Variants in MYLK3 observed in about 807,000 individuals in gnomAD.
The protein encoded by MYLK3 is myosin light chain kinase 3, also known as MLC kinase.
A neutral mutation model predicts 76.3 loss-of-function variants in MYLK3; 55 were observed. The ratio of observed to expected loss-of-function variants is 0.72; its 90% CI spans 0.58 to 0.90. MYLK3 has a LOEUF of 0.90. Ranked by LOEUF, MYLK3 falls within the 40% of genes least tolerant of loss-of-function variation. MYLK3 has a pLI of 0.00. For synonymous variants in MYLK3, 416 were observed against 425.4 expected, an observed-to-expected ratio of 0.98 and a Z score of 0.27; for missense variants, 973 against 1,053.6, an observed-to-expected ratio of 0.92 and a Z score of 1.06.
At chr16:46,754,054 G>C (rs1199445420) in intron 1 of MYLK3, among the ~76,000 whole-genome samples, 3 of 152,084 alleles carry the variant, frequency 2.0e-5, no homozygotes, top group East Asian at 3.8e-4. Flanking sequence ...AATATGAATA[G>C]TAAAATTTAA....
chr16:46,725,648 TTA>T (rs1285819862), intron 8 of MYLK3: 1 of 152,240 alleles, frequency 6.6e-6, no homozygotes, highest in Non-Finnish European at 1.5e-5. Flanking sequence ...ATAATCCTTT[TTA>T]TATGTTTTAT....
rs1966638501 is a variant in MYLK3 at position 46,707,585 on chromosome 16, A to C, written c.*119T>G. 9.3e-6 allele frequency: 6 copies of C among 642,882 alleles called. No individual in the cohort carries two copies. Among genetic ancestry groups the C allele is most frequent in the Non-Finnish European group, 1.1e-5 (4 of 373,854 alleles). 39.8% of individuals were successfully genotyped at this position (642,882 alleles called of 1,614,324 possible). ...GAAGGCAGCAGCCATAACCATTTTT[A>C]CAAAATAAGTGGAATCAATAATACC... On this transcript the variant is annotated 3_prime_UTR_variant, in exon 13 of 13. Coordinates refer to ENST00000394809, the MANE Select transcript of MYLK3 (RefSeq NM_182493.3).
intron 1 of MYLK3, among the ~76,000 whole-genome samples, chr16:46,745,701 G>T (rs62057588): frequency 6.6e-5 from 10 of 152,184 alleles, no homozygotes; most frequent in Non-Finnish European, 1.3e-4. Context: ...AGTCGAGATC[G>T]CGCCATTGAA....
chr16:46,737,757 G>A lies in MYLK3; in HGVS notation c.955C>T (p.Pro319Ser), dbSNP rs1319201975. 5 of 1,610,020 alleles carry A rather than the reference G, an allele frequency of 3.1e-6. 1 individual carries two copies. The highest frequency in any genetic ancestry group is 4.2e-6 in the Non-Finnish European group (5 of 1,178,768). ...GPQCPGPPGLPAQARATHSGG... is the reference protein window; with the variant it reads ...GPQCPGPPGLSAQARATHSGG... Reference sequence around the variant, plus strand: ...CTGTGGGTTGCCCTGGCCTGGGCTGGCAGCCCTGGAGGCCCTGGGCACTGA... The same window carrying A: ...CTGTGGGTTGCCCTGGCCTGGGCTGACAGCCCTGGAGGCCCTGGGCACTGA... Residue 319 changes from proline (P) to serine (S), a missense_variant, in exon 3 of 13, where the codon CCA becomes TCA. This residue lies in a region of MYLK3 where 641 missense variants were observed against 637.0 expected (regional missense o/e 1.01). Transcript: ENST00000394809.
chr16:46,731,087 G>A (rs770433723), intron 4 of MYLK3, among the ~76,000 whole-genome samples: 25 of 152,260 alleles, frequency 1.6e-4, no homozygotes, highest in African/African-American at 4.8e-4. Flanking sequence ...AGTCAGGGCT[G>A]TGGAAACTCA....
At chr16:46,715,002 A>G (rs1009307997) in intron 9 of MYLK3, among the ~76,000 whole-genome samples, 1 of 152,218 alleles carries the variant, frequency 6.6e-6, no homozygotes, top group Non-Finnish European at 1.5e-5. Context: ...TCAAGGTATT[A>G]TCATGACGTC....
chr16:46,750,808 G>T (rs546507292), upstream of MYLK3, among the ~76,000 whole-genome samples: 1 of 151,272 alleles, frequency 6.6e-6, no homozygotes, highest in African/African-American at 2.4e-5. Flanking sequence ...TGGCTAACAT[G>T]GTGAAATCCC....
At chr16:46,736,325 A>G (rs1459941308) in intron 3 of MYLK3, among the ~76,000 whole-genome samples, 1 of 152,198 alleles carries the variant, frequency 6.6e-6, no homozygotes, top group Non-Finnish European at 1.5e-5. Flanking sequence ...TCCTCTGCAC[A>G]GGCAGCCATG....
Position 46,721,117 on chromosome 16 carries a change from C to T in MYLK3, c.1985+6G>A. 2 of 1,613,670 alleles carry T rather than the reference C, an allele frequency of 1.2e-6. No individual in the cohort carries two copies. Among genetic ancestry groups the T allele is most frequent in the South Asian group, 1.1e-5 (1 of 91,072 alleles). ...TTGTTAAGGTATCTAAATAAAACCC[C>T]CTTACCTTCTGGCCAGCCCAAAGTC... On this transcript the variant is annotated splice_donor_region_variant and intron_variant, in intron 9 of 12. Transcript: ENST00000394809.
At chr16:46,731,553 C>T (rs985447022) in intron 4 of MYLK3, among the ~76,000 whole-genome samples, 6 of 152,100 alleles carry the variant, frequency 3.9e-5, no homozygotes, top group African/African-American at 1.2e-4. Flanking sequence ...CTCCAACTAC[C>T]GGGAACACCG....
intron 1 of MYLK3, among the ~76,000 whole-genome samples, chr16:46,753,902 G>A (rs1360872386): frequency 6.6e-6 from 1 of 152,200 alleles, no homozygotes; most frequent in Non-Finnish European, 1.5e-5. Context: ...GACAGGACGA[G>A]ACCCTGTCTC....
chr16:46,749,903 A>G (rs1304219913), upstream of MYLK3, among the ~76,000 whole-genome samples: 4 of 152,190 alleles, frequency 2.6e-5, no homozygotes, highest in Non-Finnish European at 5.9e-5. Flanking sequence ...ATCCAAACCC[A>G]TTCCTGAGAG....
At chr16:46,740,621 G>A (rs1035256225) in intron 1 of MYLK3, among the ~76,000 whole-genome samples, 7 of 144,548 alleles carry the variant, frequency 4.8e-5, no homozygotes, top group East Asian at 4.0e-4. Flanking sequence ...GCACAATCTC[G>A]GCTCACTGCA....
At chr16:46,753,986 G>A (rs895309080) in intron 1 of MYLK3, among the ~76,000 whole-genome samples, 1 of 152,212 alleles carries the variant, frequency 6.6e-6, no homozygotes, top group Non-Finnish European at 1.5e-5. Flanking sequence ...TTTAAAAAAG[G>A]AGAGGATGCT....
At position 46,716,294 on chromosome 16, in the gene MYLK3, G is replaced by A. The variant is rs538237445; in HGVS notation, c.1986-3518C>T. Among the ~76,000 whole-genome samples, 18 of 152,090 alleles carry A rather than the reference G, an allele frequency of 1.2e-4. 1 individual carries two copies. In the South Asian group the frequency reaches 3.3e-3, roughly 28 times the overall value. The stretch of plus-strand genomic sequence containing the variant: ...TTTTGAATGGATTGGGCACTGTAGT[G>A]TTATGGGATAGATAGATGGATAGAT... On this transcript the variant is annotated intron_variant, in intron 9 of 12. Coordinates refer to ENST00000394809, the MANE Select transcript of MYLK3 (RefSeq NM_182493.3).
chr16:46,742,994 C>A lies in MYLK3; in HGVS notation c.478-2847G>T, dbSNP rs189965556. 3.2e-3 allele frequency among the ~76,000 whole-genome samples: 483 copies of A among 152,320 alleles called. 2 individuals carry two copies. Among genetic ancestry groups the A allele is most frequent in the Middle Eastern group, 0.024 (7 of 294 alleles). ...CTTGTTGGGCTCAAACTGTCCTCTC[C>A]TTCCCTTATCTTTAGGGTAGGCAGG... On this transcript the variant is annotated intron_variant, in intron 1 of 12. Transcript: ENST00000394809.
intron 3 of MYLK3, among the ~76,000 whole-genome samples, chr16:46,735,437 C>A (rs1011557497): frequency 6.6e-6 from 1 of 152,144 alleles, no homozygotes; most frequent in African/African-American, 2.4e-5. Context: ...AACTCTTGAC[C>A]TCAGCTGATC....
intron 7 of MYLK3, among the ~76,000 whole-genome samples, chr16:46,728,685 C>T (rs1419833757): frequency 1.3e-5 from 2 of 152,202 alleles, no homozygotes; most frequent in Non-Finnish European, 2.9e-5. Context: ...CACACCACTG[C>T]ACTCCAGCCT....
chr16:46,753,971 C>T (rs1967164470), intron 1 of MYLK3, among the ~76,000 whole-genome samples: 1 of 151,994 alleles, frequency 6.6e-6, no homozygotes, highest in African/African-American at 2.4e-5. Context: ...AAGGCTATTC[C>T]ATTCTTTAAA....
Sources: gnomAD v4.1 joint callset for allele counts (sites outside exome capture counted in the v4.1 genomes callset) on GRCh38, gnomAD v4.1.1 for gene constraint, gnomAD v4.1.1 regional missense constraint, MANE v1.5 for transcripts, NCBI Gene and HGNC (gene_info 2026-07-23, HGNC 2026-07-21) for gene names.